The following ABCB1 variants were observed in gnomAD, a reference collection of about 807,000 sequenced individuals.
ABCB1 encodes the protein ATP binding cassette subfamily B member 1, also known as ATP-dependent translocase ABCB1.
Under a neutral mutation model 142.0 loss-of-function variants are expected in ABCB1, and 69 were observed. The ratio of observed to expected loss-of-function variants is 0.49; its 90% confidence interval spans 0.40 to 0.59. The LOEUF (loss-of-function observed/expected upper bound fraction) is 0.59. Among genes scored for constraint, ABCB1 ranks in the 20% least tolerant of loss-of-function variants. The pLI is 0.00. For missense variants in ABCB1, 1,326 were observed against 1,554.7 expected (o/e 0.85, Z 2.47); for synonymous variants, 532 against 539.2 (o/e 0.99, Z 0.18).
At chr7:87,689,491 C>A (rs927861444) in intron 1 of ABCB1, among the ~76,000 whole-genome samples, 2 of 152,026 alleles carry the variant, frequency 1.3e-5, no homozygotes, top group East Asian at 1.9e-4. Flanking sequence ...TGCTTTATTG[C>A]GCTAATATTT....
At chr7:87,597,854 G>A (rs1819267400) in intron 2 of ABCB1, among the ~76,000 whole-genome samples, 1 of 151,996 alleles carries the variant, frequency 6.6e-6, no homozygotes, top group Non-Finnish European at 1.5e-5. Context: ...GTTTTCCATA[G>A]GATTTTTTCC....
intron 1 of ABCB1, among the ~76,000 whole-genome samples, chr7:87,652,995 C>A (rs1290792788): frequency 1.3e-5 from 2 of 151,996 alleles, no homozygotes; most frequent in Non-Finnish European, 2.9e-5. Context: ...CTCCCCCAGA[C>A]ACAGTATAGG....
chr7:87,552,866 A>G (rs1163516623), intron 9 of ABCB1, among the ~76,000 whole-genome samples: 2 of 152,134 alleles, frequency 1.3e-5, no homozygotes, highest in Admixed American at 6.5e-5. Flanking sequence ...GACTCTTCTA[A>G]CAGTGTATTT....
intron 1 of ABCB1, among the ~76,000 whole-genome samples, chr7:87,634,163 G>A (rs1195250915): frequency 1.3e-5 from 2 of 152,122 alleles, no homozygotes; most frequent in Non-Finnish European, 2.9e-5. Flanking sequence ...ACTAGTGGGT[G>A]ATAAGTACCA....
chr7:87,686,392 T>C (rs1405365726), intron 1 of ABCB1, among the ~76,000 whole-genome samples: 1 of 152,178 alleles, frequency 6.6e-6, no homozygotes, highest in Non-Finnish European at 1.5e-5. Flanking sequence ...TATATCTGTT[T>C]TTCTTGGATG....
chr7:87,628,997 C>T (rs747828595), intron 1 of ABCB1: 2 of 1,296,594 alleles, frequency 1.5e-6, no homozygotes, highest in Admixed American at 6.5e-5. Context: ...GCTGAGAGCT[C>T]TGGGCTTCCG....
intron 8 of ABCB1, among the ~76,000 whole-genome samples, chr7:87,556,821 C>A (rs1476325336): frequency 6.6e-6 from 1 of 152,162 alleles, no homozygotes; most frequent in Non-Finnish European, 1.5e-5. Context: ...AATCCTAACT[C>A]TTCATCATGG....
At chr7:87,625,089 T>C (rs1364696249) in intron 1 of ABCB1, among the ~76,000 whole-genome samples, 2 of 152,072 alleles carry the variant, frequency 1.3e-5, no homozygotes, top group Non-Finnish European at 2.9e-5. Flanking sequence ...ACCCCGTCTC[T>C]ACTAAAAATA....
intron 6 of ABCB1, among the ~76,000 whole-genome samples, chr7:87,566,459 G>A (rs1366084801): frequency 6.6e-6 from 1 of 152,208 alleles, no homozygotes; most frequent in Admixed American, 6.5e-5. Flanking sequence ...GTGTACACAA[G>A]AAGTATTCAA....
rs528790721 is a variant in ABCB1, at chr7:87,647,535, T to C, written c.-330-46457A>G. On this transcript the variant is annotated intron_variant, in intron 1 of 28. Coordinates refer to the ABCB1 transcript ENST00000265724. ...TAAGTTTCATAAAAATATATTTTTA[T>C]GCAACATGTAATGAATTTATTTTGT... 3.3e-5 allele frequency among the ~76,000 whole-genome samples: 5 copies of C among 152,362 alleles called. No homozygotes were observed. In the East Asian group the frequency reaches 9.6e-4, roughly 29 times the overall value.
At chr7:87,629,131 G>A in intron 1 of ABCB1, 1 of 465,464 alleles carries the variant, frequency 2.1e-6, no homozygotes, top group Non-Finnish European at 3.6e-6. Flanking sequence ...CACCGTCGCA[G>A]CCCTGGACTT....
intron 25 of ABCB1, among the ~76,000 whole-genome samples, chr7:87,511,886 A>C (rs1815027845): frequency 6.6e-6 from 1 of 152,176 alleles, no homozygotes; most frequent in South Asian, 2.1e-4. Context: ...TATGGGAGAG[A>C]CTGGAAAGGG....
At chr7:87,527,035 T>C in intron 21 of ABCB1, among the ~76,000 whole-genome samples, 1 of 152,180 alleles carries the variant, frequency 6.6e-6, no homozygotes, top group East Asian at 1.9e-4. Context: ...TAAAAACCTT[T>C]TCAGGCAGAT....
chr7:87,522,414 A>G, intron 21 of ABCB1: 1 of 665,108 alleles, frequency 1.5e-6, no homozygotes, highest in Non-Finnish European at 2.8e-6. Flanking sequence ...AGAAGATTTT[A>G]AATTACTGCC....
chr7:87,558,521 T>G (rs1711588944), intron 8 of ABCB1, among the ~76,000 whole-genome samples: 1 of 152,198 alleles, frequency 6.6e-6, no homozygotes, highest in Admixed American at 6.5e-5. Flanking sequence ...TTTTTCGTTT[T>G]CTTTTTTTCA....
chr7:87,569,694 G>T (rs554865653), intron 5 of ABCB1, among the ~76,000 whole-genome samples: 2 of 151,512 alleles, frequency 1.3e-5, no homozygotes, highest in Non-Finnish European at 2.9e-5. Context: ...CTTTTTTTGT[G>T]GGGGGGTGTG....
chr7:87,594,641 A>C (rs1167542372), intron 3 of ABCB1, among the ~76,000 whole-genome samples: 3 of 152,222 alleles, frequency 2.0e-5, no homozygotes, highest in Admixed American at 2.0e-4. Flanking sequence ...TTGGTTACTC[A>C]AGTAGCCTAA....
intron 21 of ABCB1, 56 bp downstream of exon 21, chr7:87,531,238 A>G: frequency 6.8e-7 from 1 of 1,460,278 alleles, no homozygotes; most frequent in South Asian, 1.1e-5. Flanking sequence ...ACAAAATAAC[A>G]CTGATTAGAA....
At chr7:87,583,818 G>A (rs988306020) in intron 4 of ABCB1, among the ~76,000 whole-genome samples, 1 of 152,142 alleles carries the variant, frequency 6.6e-6, no homozygotes, top group East Asian at 1.9e-4. Context: ...TGAAGGCTGG[G>A]AAGTCATTAA....
Sources: allele counts gnomAD v4.1 joint callset (sites outside exome capture counted in the v4.1 genomes callset), GRCh38; gene constraint gnomAD v4.1.1; transcripts MANE v1.5; gene names NCBI Gene and HGNC (gene_info 2026-07-23, HGNC 2026-07-21).